Variants in DEPTOR observed in about 807,000 individuals in gnomAD.
The protein encoded by DEPTOR is DEP domain-containing mTOR-interacting protein.
In DEPTOR, 41 loss-of-function variants were observed where a neutral mutation model predicts 41.6. The observed-to-expected ratio is 0.98, with a 90% CI of 0.77 to 1.28. The LOEUF (loss-of-function observed/expected upper bound fraction) is 1.28, where lower values mean the gene tolerates loss of function less well. Among genes scored for constraint, DEPTOR ranks in the 50% most tolerant of loss-of-function variants. The probability of loss-of-function intolerance (pLI) is 0.00; values close to 1 mark genes in which losing one functional copy is unlikely to be tolerated. For missense variants in DEPTOR, 514 were observed against 527.9 expected (o/e 0.97, Z 0.26); for synonymous variants, 195 against 192.3 (o/e 1.01, Z -0.12).
chr8:120,002,791 A>AAAAAAGATATATAT, intron 5 of DEPTOR, among the ~76,000 whole-genome samples, 186 bp from the exon 6 acceptor site: 1 of 60,674 alleles, frequency 1.6e-5, no homozygotes, highest in Non-Finnish European at 2.9e-5. Context: ...AAAAAAAAAA[A>AAAAAAGATATATAT]ATATATATAT....
At chr8:119,943,477 CTCA>C (rs1208615791) in intron 3 of DEPTOR, among the ~76,000 whole-genome samples, 1 of 152,134 alleles carries the variant, frequency 6.6e-6, no homozygotes, top group Non-Finnish European at 1.5e-5. Context: ...TGAGAACTCA[CTCA>C]CTATCACGAG....
At chr8:120,024,294 CT>C (rs1475431414) in intron 8 of DEPTOR, among the ~76,000 whole-genome samples, 2 of 152,098 alleles carry the variant, frequency 1.3e-5, no homozygotes, top group Non-Finnish European at 2.9e-5. Context: ...CACATGACTT[CT>C]TTTACATCCC....
At chr8:119,925,903 G>A (rs762149866) in intron 1 of DEPTOR, among the ~76,000 whole-genome samples, 18 of 152,206 alleles carry the variant, frequency 1.2e-4, no homozygotes, top group Non-Finnish European at 2.4e-4. Context: ...GGGATTACAG[G>A]CGTGAGCCAC....
intron 1 of DEPTOR, among the ~76,000 whole-genome samples, chr8:119,916,298 T>TAGAAA (rs1827814595): frequency 8.9e-6 from 1 of 112,460 alleles, no homozygotes; most frequent in Non-Finnish European, 2.0e-5. Context: ...TTTTTTTTTT[T>TAGAAA]TTTTAGAAAT....
intron 1 of DEPTOR, among the ~76,000 whole-genome samples, chr8:119,920,211 A>G (rs940494843): frequency 2.6e-5 from 4 of 152,124 alleles, no homozygotes; most frequent in African/African-American, 7.2e-5. Flanking sequence ...TCAGAAAACT[A>G]TTCTATCTAT....
intron 3 of DEPTOR, among the ~76,000 whole-genome samples, chr8:119,947,263 AACACCTTTTGTGTG>A (rs1362274808): frequency 5.3e-5 from 8 of 152,226 alleles, no homozygotes; most frequent in African/African-American, 1.9e-4. Context: ...AGATCATCCC[AACACCTTTTGTGTG>A]GCTCTGGAGT....
intron 4 of DEPTOR, among the ~76,000 whole-genome samples, chr8:119,994,260 G>A (rs1233605317): frequency 2.0e-5 from 3 of 152,136 alleles, no homozygotes; most frequent in South Asian, 2.1e-4. Flanking sequence ...AAGTTGCAGT[G>A]AGCCAAAATC....
chr8:120,048,269 A>C (rs1813182964), intron 8 of DEPTOR, among the ~76,000 whole-genome samples: 1 of 152,210 alleles, frequency 6.6e-6, no homozygotes, highest in African/African-American at 2.4e-5. Context: ...TGGGTTGGGA[A>C]GGAGGTGAAA....
chr8:120,041,268 A>G (rs1813065097), intron 8 of DEPTOR, among the ~76,000 whole-genome samples: 1 of 152,228 alleles, frequency 6.6e-6, no homozygotes, highest in Non-Finnish European at 1.5e-5. Flanking sequence ...CAATTGAATC[A>G]TTGTGATGGG....
In DEPTOR at chr8:119,945,936, G is replaced by T. The variant is rs573177005; in HGVS notation, c.425+15998G>T. ...ATTTGAAGAGTGATACCAGTGGAAG[G>T]CATGGCTGGGAGGTTTTAAAGGAGG... On this transcript the variant is annotated intron_variant, in intron 3 of 8. Transcript: ENST00000286234. Among the ~76,000 whole-genome samples the T allele has an allele frequency of 2.0e-5, 3 of 152,188 alleles. No individual in the cohort carries two copies. In the South Asian group the frequency reaches 6.2e-4, roughly 32 times the overall value.
intron 1 of DEPTOR, among the ~76,000 whole-genome samples, chr8:119,926,158 C>T (rs1002907924): frequency 6.6e-6 from 1 of 152,148 alleles, no homozygotes; most frequent in Non-Finnish European, 1.5e-5. Flanking sequence ...TTTCACTCCA[C>T]CAGCTTTACC....
rs529537958 is a variant in DEPTOR, at chr8:119,890,551, C to A, written c.122+16583C>A. 2.3e-3 allele frequency among the ~76,000 whole-genome samples: 352 copies of A among 152,270 alleles called. 1 individual carries two copies. The highest frequency in any genetic ancestry group is 8.0e-3 in the African/African-American group (331 of 41,536). ...CTCCTGACTTCAGGTGATCCACCCA[C>A]CTCGGCCTCCCAAATTGTTAGGATT... is the stretch of plus-strand genomic sequence containing the variant. On this transcript the variant is annotated intron_variant, in intron 1 of 8. Transcript: ENST00000286234.
intron 8 of DEPTOR, among the ~76,000 whole-genome samples, chr8:120,043,240 A>G (rs1813106497): frequency 6.6e-6 from 1 of 152,150 alleles, no homozygotes; most frequent in Non-Finnish European, 1.5e-5. Context: ...CAGCCTTTCA[A>G]AGTGCTGGGT....
chr8:119,882,247 T>A (rs1827307617), intron 1 of DEPTOR, among the ~76,000 whole-genome samples: 1 of 152,094 alleles, frequency 6.6e-6, no homozygotes, highest in African/African-American at 2.4e-5. Context: ...TCCATCAGCT[T>A]TGGAATCAAT....
intron 4 of DEPTOR, among the ~76,000 whole-genome samples, chr8:119,987,622 G>A (rs1467986342): frequency 1.3e-5 from 2 of 152,092 alleles, no homozygotes; most frequent in Non-Finnish European, 2.9e-5. Context: ...CTGCTGAAGC[G>A]GCGCCAACAG....
chr8:120,037,439 T>C (rs1812995509), intron 8 of DEPTOR, among the ~76,000 whole-genome samples: 1 of 152,206 alleles, frequency 6.6e-6, no homozygotes, highest in African/African-American at 2.4e-5. Flanking sequence ...GCTAGGAATG[T>C]GAGTGGAATT....
At chr8:119,885,835 C>CCT (rs1827357112) in intron 1 of DEPTOR, among the ~76,000 whole-genome samples, 3 of 152,040 alleles carry the variant, frequency 2.0e-5, no homozygotes, top group African/African-American at 7.3e-5. Flanking sequence ...TCTAGCTCTC[C>CCT]CTCTATCCAT....
intron 1 of DEPTOR, among the ~76,000 whole-genome samples, chr8:119,893,224 T>A (rs1211880552): frequency 1.3e-5 from 2 of 152,240 alleles, no homozygotes; most frequent in African/African-American, 4.8e-5. Context: ...TATTTGATTA[T>A]TTATATGCTT....
intron 8 of DEPTOR, among the ~76,000 whole-genome samples, chr8:120,044,242 C>T (rs964126094): frequency 7.2e-5 from 11 of 151,888 alleles, no homozygotes; most frequent in African/African-American, 2.7e-4. Flanking sequence ...TCTCCTGCCT[C>T]AGCCTCGCAA....
Sources: gnomAD v4.1 joint callset for allele counts (sites outside exome capture counted in the v4.1 genomes callset) on GRCh38, gnomAD v4.1.1 for gene constraint, MANE v1.5 for transcripts, NCBI Gene and HGNC (gene_info 2026-07-23, HGNC 2026-07-21) for gene names.